CD163L1: variants seen among roughly 807,000 people sequenced by gnomAD.
The protein encoded by CD163L1 is CD163 molecule like 1.
In CD163L1, 124 loss-of-function variants were observed where a neutral mutation model predicts 165.4. That is an observed-to-expected ratio of 0.75 (90% CI 0.65 to 0.87). The LOEUF is 0.87. Ranked by LOEUF, CD163L1 falls within the 40% of genes least tolerant of loss-of-function variation. The pLI is 0.00. For missense variants in CD163L1, 1,525 were observed against 1,799.9 expected (o/e 0.85, Z 2.76); for synonymous variants, 585 against 662.2 (o/e 0.88, Z 1.79).
At chr12:7,397,359 G>A (rs915211433) in intron 7 of CD163L1, among the ~76,000 whole-genome samples, 4 of 152,228 alleles carry the variant, frequency 2.6e-5, no homozygotes, top group South Asian at 4.1e-4. Flanking sequence ...AAAGAAACTC[G>A]TGTCTCTTAT....
intron 8 of CD163L1, among the ~76,000 whole-genome samples, chr12:7,393,637 T>A (rs1947709889): frequency 6.6e-6 from 1 of 152,212 alleles, no homozygotes. Flanking sequence ...AAATCGTCCC[T>A]GTTTGCAGAT....
chr12:7,415,332 G>T (rs775252526), intron 4 of CD163L1, among the ~76,000 whole-genome samples: 1 of 152,034 alleles, frequency 6.6e-6, no homozygotes, highest in Non-Finnish European at 1.5e-5. Context: ...AAGATAAAGA[G>T]AAAGGAATCA....
At chr12:7,437,427 C>T (rs765130403) in intron 2 of CD163L1, among the ~76,000 whole-genome samples, 1 of 151,388 alleles carries the variant, frequency 6.6e-6, no homozygotes, top group South Asian at 2.1e-4. Context: ...TGTTGGTGTG[C>T]TGCACCCATT....
intron 8 of CD163L1, among the ~76,000 whole-genome samples, chr12:7,394,635 C>G (rs1047117510): frequency 2.0e-5 from 3 of 152,118 alleles, no homozygotes; most frequent in Non-Finnish European, 4.4e-5. Context: ...GCAAAAGAAA[C>G]TATCATCAGA....
At chr12:7,401,214 A>G (rs1013483544) in intron 6 of CD163L1, among the ~76,000 whole-genome samples, 7 of 152,158 alleles carry the variant, frequency 4.6e-5, no homozygotes, top group Non-Finnish European at 1.0e-4. Context: ...TTGGGATTCC[A>G]TGAAGATTCC....
the CD163L1 span, chr12:7,323,209 T>G: frequency 6.3e-7 from 1 of 1,578,264 alleles, no homozygotes; most frequent in East Asian, 2.3e-5. Context: ...TTTGTATACT[T>G]ATACAAAGCT....
chr12:7,406,561 T>A lies in CD163L1; in HGVS notation c.1058A>T (p.His353Leu). The A allele has an allele frequency of 6.2e-7, 1 of 1,614,060 alleles. No individual in the cohort carries two copies. The highest frequency in any genetic ancestry group is 8.5e-7 in the Non-Finnish European group (1 of 1,179,970). The change falls in exon 5 of 20, where the codon CAT (histidine) becomes CTT (leucine). Residue 353 changes from histidine to leucine, a missense_variant. By Grantham distance (99) the His-to-Leu change is moderately conservative. Transcript: ENST00000313599. Reference sequence around the variant, plus strand: ...GCAGATCACAGACACATCGTTTTGATGAAGACAGTCAAAATTGACGGTTCC... The same window carrying A: ...GCAGATCACAGACACATCGTTTTGAAGAAGACAGTCAAAATTGACGGTTCC... ...HSGTVNFDCL[H>L]QNDVSVICSD...
chr12:7,392,316 G>C (rs1382103069), intron 8 of CD163L1, among the ~76,000 whole-genome samples: 1 of 152,116 alleles, frequency 6.6e-6, no homozygotes, highest in African/African-American at 2.4e-5. Flanking sequence ...ACCTGCTCCT[G>C]AATGATTACT....
rs1173953152 is a variant in CD163L1, at chr12:7,374,388, G to A, written c.3409+54C>T. On this transcript the variant is annotated intron_variant, in intron 13 of 19. Transcript: ENST00000313599. The surrounding 1 kb of genome is among the most constrained non-coding windows in gnomAD (Gnocchi z 5.4). The stretch of plus-strand genomic sequence containing the variant: ...TACACTTTACAATTGTGTTGTGTGT[G>A]TGCAAGTGTGTGCACGTGTGTGTAG... 6.0e-6 allele frequency: 9 copies of A among 1,510,296 alleles called. No individual in the cohort carries two copies. Among genetic ancestry groups the A allele is most frequent in the Middle Eastern group, 1.8e-4 (1 of 5,608 alleles). 93.6% of individuals were successfully genotyped at this position (1,510,296 alleles called of 1,614,324 possible).
chr12:7,354,222 A>C (rs1357055411), downstream of CD163L1, among the ~76,000 whole-genome samples: 1 of 151,996 alleles, frequency 6.6e-6, no homozygotes, highest in African/African-American at 2.4e-5. Flanking sequence ...TTTGTTTTAC[A>C]TCTCTTGTAA....
At chr12:7,408,371 A>T (rs2136538482) in intron 4 of CD163L1, among the ~76,000 whole-genome samples, 1 of 151,918 alleles carries the variant, frequency 6.6e-6, no homozygotes, top group East Asian at 1.9e-4. Flanking sequence ...ACTCATTGAA[A>T]GACAGTTAGT....
intron 8 of CD163L1, among the ~76,000 whole-genome samples, chr12:7,392,080 G>T (rs1225844830): frequency 6.6e-6 from 1 of 152,146 alleles, no homozygotes; most frequent in Non-Finnish European, 1.5e-5. Flanking sequence ...GGACCTAATA[G>T]ACATCTGCAG....
intron 6 of CD163L1, among the ~76,000 whole-genome samples, chr12:7,403,000 A>G (rs1947943704): frequency 1.3e-5 from 2 of 152,108 alleles, no homozygotes; most frequent in South Asian, 4.1e-4. Flanking sequence ...TACTTAAAAT[A>G]TTTCATAAGT....
At chr12:7,430,531 AAAATTG>A (rs1948611263) in intron 4 of CD163L1, among the ~76,000 whole-genome samples, 1 of 152,200 alleles carries the variant, frequency 6.6e-6, no homozygotes, top group Non-Finnish European at 1.5e-5. Context: ...TAGATCACCT[AAAATTG>A]CTGAAAACTG....
intron 4 of CD163L1, among the ~76,000 whole-genome samples, chr12:7,424,463 C>G (rs1034875317): frequency 6.6e-5 from 10 of 152,268 alleles, no homozygotes; most frequent in Non-Finnish European, 1.3e-4. Context: ...TCCTATTCAA[C>G]ATAGTGTTGG....
chr12:7,320,589 A>T, the CD163L1 span: 1 of 652,788 alleles, frequency 1.5e-6, no homozygotes, highest in South Asian at 2.0e-5. Context: ...AGTAATAAAT[A>T]TTGTTTTCTT....
Position 7,374,671 on chromosome 12 carries a change from G to C in CD163L1, c.3180C>G (p.Ile1060Met). The C allele has an allele frequency of 6.2e-7, 1 of 1,614,232 alleles. No homozygotes were observed. Among genetic ancestry groups the C allele is most frequent in the African/African-American group, 1.3e-5 (1 of 75,056 alleles). ...CGCTCAGGTCCCAGCCGTCATCACA[G>C]ATGGTGCCCCAGAAGCCGTCGTGAT... Reference protein sequence around the residue: ...EIYHDGFWGTICDDGWDLSDA... With the variant: ...EIYHDGFWGTMCDDGWDLSDA... The change falls in exon 13 of 20, where the codon ATC becomes ATG. Residue 1060 changes from isoleucine to methionine, a missense_variant. Ile to Met is a conservative substitution (Grantham distance 10, BLOSUM62 1). Coordinates refer to ENST00000313599, the MANE Select transcript of CD163L1 (RefSeq NM_174941.6). The surrounding 1 kb of genome is among the most constrained non-coding windows in gnomAD (Gnocchi z 5.4).
chr12:7,436,242 T>C (rs1948711063), intron 2 of CD163L1, among the ~76,000 whole-genome samples: 1 of 152,212 alleles, frequency 6.6e-6, no homozygotes, highest in Non-Finnish European at 1.5e-5. Flanking sequence ...TGTTATAAAA[T>C]GGCCATTTTT....
intron 5 of CD163L1, 117 bp downstream of exon 5, chr12:7,406,415 T>C: frequency 1.1e-6 from 1 of 918,238 alleles, no homozygotes; most frequent in Non-Finnish European, 1.7e-6. Flanking sequence ...TCACAATTGG[T>C]TGTAACTTCT....
Sources: gnomAD v4.1 joint callset for allele counts (sites outside exome capture counted in the v4.1 genomes callset) on GRCh38, gnomAD v4.1.1 for gene constraint, Gnocchi (gnomAD v3.1) non-coding constraint, MANE v1.5 for transcripts, NCBI Gene and HGNC (gene_info 2026-07-23, HGNC 2026-07-21) for gene names.